The following GDPD2 variants were observed in gnomAD, a reference collection of about 807,000 sequenced individuals.
The protein encoded by GDPD2 is glycerophosphodiester phosphodiesterase 3.
A neutral mutation model predicts 49.2 loss-of-function variants in GDPD2; 23 were observed. The observed-to-expected ratio is 0.47, with a 90% CI of 0.34 to 0.66. The LOEUF (loss-of-function observed/expected upper bound fraction) is 0.66, where lower values mean the gene tolerates loss of function less well. GDPD2 is among the 30% of genes least tolerant of loss of function. The pLI, the probability that GDPD2 is intolerant of heterozygous loss-of-function variation, is 0.01. For missense variants in GDPD2, 338 were observed against 424.7 expected (o/e 0.80, Z 1.79); for synonymous variants, 167 against 171.4 (o/e 0.97, Z 0.20).
Position 70,426,354 on chromosome X carries a change from C to T in GDPD2, c.364-17C>T, listed in dbSNP as rs776387322. 34 of 1,200,786 alleles carry T rather than the reference C, an allele frequency of 2.8e-5. No homozygotes were observed. Among genetic ancestry groups the T allele is most frequent in the Non-Finnish European group, 3.7e-5 (33 of 887,279 alleles). ...CCCAAATTGACCAAGAGGCCTCATT[C>T]ATCCCTGGCCCCCCAGGTGCTGCTG... On this transcript the variant is annotated splice_polypyrimidine_tract_variant and intron_variant, in intron 5 of 15. Transcript: ENST00000374382.
intron 2 of GDPD2, 97 bp from the exon 3 acceptor site, chrX:70,425,257 C>A: frequency 1.4e-6 from 1 of 693,485 alleles, no homozygotes. Flanking sequence ...CAGAGCAGCC[C>A]AACACGGGGC....
chrX:70,426,474 G>C lies in GDPD2; in HGVS notation c.462+5G>C, dbSNP rs1450333741. 1 of 1,193,948 alleles carries C rather than the reference G, an allele frequency of 8.4e-7. No homozygotes were observed. Among genetic ancestry groups the C allele is most frequent in the Admixed American group, 2.2e-5 (1 of 46,074 alleles). ...AGCTTGCGTGTGTCACTGCAGGTGAGTGGCCAACCTCCAGTGTCTAGACGG... is the reference window on the plus strand; with the variant it reads ...AGCTTGCGTGTGTCACTGCAGGTGACTGGCCAACCTCCAGTGTCTAGACGG... On this transcript the variant is annotated splice_donor_5th_base_variant and intron_variant, in intron 6 of 15. Coordinates refer to ENST00000374382, the MANE Select transcript of GDPD2 (RefSeq NM_017711.4).
chrX:70,432,516 C>A, intron 13 of GDPD2, 62 bp downstream of exon 13: 1 of 1,164,787 alleles, frequency 8.6e-7, no homozygotes, highest in Non-Finnish European at 1.2e-6. Context: ...TTAACCCTGT[C>A]CCTCTCTTCC....
At position 70,432,074 on chromosome X, in the gene GDPD2, G is replaced by A. The variant is rs2086482374; in HGVS notation, c.1308-233G>A. Among the ~76,000 whole-genome samples, 3 of 112,037 alleles carry A rather than the reference G, an allele frequency of 2.7e-5. No homozygotes were observed. The Admixed American group carries it at 2.8e-4, about 11-fold the overall frequency. On this transcript the variant is annotated intron_variant, in intron 12 of 15. Transcript: ENST00000374382. ...GCCTCTGCTCAGGACCCAGGGGAGA[G>A]ACACATTGTGTGGCCCCAGATAGCA...
chrX:70,431,079 C>T (rs898562560), intron 12 of GDPD2: 90 of 1,128,715 alleles, frequency 8.0e-5, no homozygotes, highest in Non-Finnish European at 9.9e-5. Context: ...TGAGCCACTG[C>T]CCCCCTCAGC....
rs1409534991 is a variant in GDPD2, at chrX:70,433,094, G to T, written c.*8G>T. 8.5e-7 allele frequency: 1 copy of T among 1,178,443 alleles called. No individual in the cohort carries two copies. Among genetic ancestry groups the T allele is most frequent in the Non-Finnish European group, 1.2e-6 (1 of 867,334 alleles). On this transcript the variant is annotated 3_prime_UTR_variant, in exon 16 of 16. Transcript: ENST00000374382. Reference sequence around the variant, plus strand: ...AATTTCATGATGGAGTGAATGCCCTGCCCTGCTTCCCCACCCAAGCCAGTC... The same window carrying T: ...AATTTCATGATGGAGTGAATGCCCTTCCCTGCTTCCCCACCCAAGCCAGTC...
At chrX:70,424,021 T>C (rs907596620) in intron 1 of GDPD2, among the ~76,000 whole-genome samples, 1 of 111,429 alleles carries the variant, frequency 9.0e-6, no homozygotes, top group African/African-American at 3.3e-5. Context: ...ACAAATCACA[T>C]ACCGTCTCGC....
At chrX:70,428,340 T>A (rs73216707) in intron 10 of GDPD2, among the ~76,000 whole-genome samples, 6,897 of 112,358 alleles carry the variant, frequency 0.061, 194 homozygotes, top group Middle Eastern at 0.093. Context: ...TAGGCTAATG[T>A]AAGTTCTGAG....
At chrX:70,425,187 A>T in intron 2 of GDPD2, 98 bp downstream of exon 2, 1 of 671,532 alleles carries the variant, frequency 1.5e-6, no homozygotes, top group Non-Finnish European at 2.3e-6. Context: ...GCTTGGGGGA[A>T]GGGGCTCTCT....
At position 70,425,074 on chromosome X, in the gene GDPD2, G is replaced by T; in HGVS notation, c.90G>T (p.Arg30Ser). The T allele has an allele frequency of 8.4e-7, 1 of 1,188,016 alleles. No homozygotes were observed. Among genetic ancestry groups the T allele is most frequent in the Non-Finnish European group, 1.1e-6 (1 of 878,575 alleles). ...ACTGGAGGAAATGCCCCAGAGAGAG[G>T]ATGCAAACCAGCAAGGTGGAGTAGG... The part of the protein sequence containing the change: ...SCHWRKCPRE[R>S]MQTSKCDCIW... The change falls in exon 2 of 16, where the codon AGG becomes AGT. Residue 30 changes from arginine (R) to serine (S), a missense_variant. Arg to Ser is a moderately radical substitution (Grantham distance 110). This residue lies in a region of GDPD2 where 75 missense variants were observed against 67.6 expected (regional missense o/e 1.11). Transcript: ENST00000374382.
intron 10 of GDPD2, chrX:70,427,783 A>C (rs1274968356): frequency 5.6e-6 from 1 of 178,443 alleles, no homozygotes; most frequent in Non-Finnish European, 1.0e-5. Context: ...CAGAAGTCTG[A>C]AAAAGGGTGT....
At chrX:70,428,163 T>A (rs1021035234) in intron 10 of GDPD2, among the ~76,000 whole-genome samples, 19 of 111,843 alleles carry the variant, frequency 1.7e-4, no homozygotes, top group African/African-American at 6.2e-4. Flanking sequence ...AATGATTTTT[T>A]TACTTTATGA....
chrX:70,432,546 T>C (rs934808429), intron 13 of GDPD2, 33 bp from the exon 14 acceptor site: 1 of 1,165,443 alleles, frequency 8.6e-7, no homozygotes. Context: ...TCCCCTGACA[T>C]TCTACCCTTG....
intron 2 of GDPD2, 62 bp from the exon 3 acceptor site, chrX:70,425,292 C>T: frequency 4.8e-6 from 4 of 825,385 alleles, no homozygotes; most frequent in South Asian, 2.0e-5. Flanking sequence ...AGCTGCCACC[C>T]GTTGGGGACT....
intron 10 of GDPD2, among the ~76,000 whole-genome samples, chrX:70,428,403 T>C (rs1425523923): frequency 8.9e-6 from 1 of 112,082 alleles, no homozygotes; most frequent in African/African-American, 3.2e-5. Context: ...TTAGGTATAT[T>C]AAATGCATTT....
rs1441633848 is a variant in GDPD2, at chrX:70,425,419, C to T, written c.171C>T (p.Ile57=). ...TCCTTTCCCTGAGCTGGCTGTACAT[C>T]GGGCTCGTCCTTCTCAATGACCTGC... ...TFLLSLSWLY[I]GLVLLNDLHN... The change falls in exon 3 of 16, where the codon ATC becomes ATT. Residue 57 remains isoleucine (I), a synonymous_variant. Coordinates refer to ENST00000374382, the MANE Select transcript of GDPD2 (RefSeq NM_017711.4). The T allele has an allele frequency of 4.2e-6, 5 of 1,196,813 alleles. No homozygotes were observed. Among genetic ancestry groups the T allele is most frequent in the Non-Finnish European group, 4.5e-6 (4 of 883,853 alleles).
rs145829747 is a variant in GDPD2 at position 70,427,184 on chromosome X, C to T, written c.750C>T (p.Cys250=). The T allele has an allele frequency of 2.0e-5, 24 of 1,206,929 alleles. No individual in the cohort carries two copies. The highest frequency in any genetic ancestry group is 1.9e-4 in the South Asian group (11 of 56,803). ...TGTCCTTGCGGAAGACAGCTGAATG[C>T]GGAGCTACTGTGTTTGAGACTGATG... ...TLMSLRKTAE[C]GATVFETDVM... is the part of the protein sequence containing the mutation. Residue 250 remains cysteine (C), a synonymous_variant, in exon 9 of 16, where the codon TGC becomes TGT. Transcript: ENST00000374382.
rs747685284 is a variant in GDPD2 at position 70,431,160 on chromosome X, A to T, written c.1307+1097A>T. On this transcript the variant is annotated intron_variant, in intron 12 of 15. Coordinates refer to ENST00000374382, the MANE Select transcript of GDPD2 (RefSeq NM_017711.4). ...TTATTTCCCCGAGTTATCACCAAAG[A>T]GGAAGACATGACATAGGGTTTGGTT... is the stretch of plus-strand genomic sequence containing the variant. 3.0e-5 allele frequency: 32 copies of T among 1,079,983 alleles called. No individual in the cohort carries two copies. In the South Asian group the frequency reaches 6.1e-4, roughly 21 times the overall value. The allele number at this position is 1,079,983 out of a possible 1,213,427, so 89.0% of individuals were successfully genotyped here.
intron 3 of GDPD2, 34 bp downstream of exon 3, chrX:70,425,491 A>C (rs777044171): frequency 1.1e-6 from 1 of 935,074 alleles, no homozygotes; most frequent in South Asian, 1.9e-5. Flanking sequence ...TCCCCAGCAT[A>C]CCTGTCAACC....
Sources: gnomAD v4.1 joint callset for allele counts (sites outside exome capture counted in the v4.1 genomes callset) on GRCh38, gnomAD v4.1.1 for gene constraint, gnomAD v4.1.1 regional missense constraint, MANE v1.5 for transcripts, NCBI Gene and HGNC (gene_info 2026-07-23, HGNC 2026-07-21) for gene names.